LHFPL3: variants seen among roughly 807,000 people sequenced by gnomAD.
LHFPL3 encodes LHFPL tetraspan subfamily member 3 protein.
In LHFPL3, 5 loss-of-function variants were observed where a neutral mutation model predicts 19.3. The observed-to-expected ratio is 0.26, with a 90% CI of 0.14 to 0.54. LHFPL3 has a LOEUF of 0.54. Among genes scored for constraint, LHFPL3 ranks in the 20% least tolerant of loss-of-function variants. The pLI, the probability that LHFPL3 is intolerant of heterozygous loss-of-function variation, is 0.94. For missense variants in LHFPL3, 249 were observed against 307.4 expected (o/e 0.81, Z 1.42); for synonymous variants, 133 against 126.2 (o/e 1.05, Z -0.36).
At chr7:104,419,012 G>C (rs1791677437) in intron 1 of LHFPL3, among the ~76,000 whole-genome samples, 1 of 152,328 alleles carries the variant, frequency 6.6e-6, no homozygotes, top group African/African-American at 2.4e-5. Context: ...ATTTACCTAA[G>C]ATTACACAGC....
At chr7:104,651,787 T>G (rs185351600) in intron 1 of LHFPL3, among the ~76,000 whole-genome samples, 203 of 152,334 alleles carry the variant, frequency 1.3e-3, no homozygotes, top group Non-Finnish European at 2.3e-3. Context: ...TGGAGTCAGC[T>G]TCTGCCTGTC....
intron 1 of LHFPL3, among the ~76,000 whole-genome samples, chr7:104,616,474 T>C (rs1161035974): frequency 1.3e-5 from 2 of 152,148 alleles, no homozygotes; most frequent in South Asian, 2.1e-4. Context: ...TTACACCTTA[T>C]ACAAAAATTA....
chr7:104,569,765 T>C (rs564693569), intron 1 of LHFPL3, among the ~76,000 whole-genome samples: 14 of 152,264 alleles, frequency 9.2e-5, no homozygotes, highest in African/African-American at 3.4e-4. Flanking sequence ...TTCCCTGTTG[T>C]ATAGAACACA....
intron 1 of LHFPL3, among the ~76,000 whole-genome samples, chr7:104,488,072 T>C (rs1426088014): frequency 6.6e-6 from 1 of 152,194 alleles, no homozygotes; most frequent in South Asian, 2.1e-4. Context: ...ACCCTTTCTA[T>C]TGCAAACTCT....
At chr7:104,604,203 C>T (rs1791044426) in intron 1 of LHFPL3, among the ~76,000 whole-genome samples, 1 of 152,222 alleles carries the variant, frequency 6.6e-6, no homozygotes, top group African/African-American at 2.4e-5. Flanking sequence ...GCTGACAAGT[C>T]ACTACTTGCA....
At chr7:104,845,211 C>G (rs1791290286) in intron 2 of LHFPL3, among the ~76,000 whole-genome samples, 1 of 152,218 alleles carries the variant, frequency 6.6e-6, no homozygotes, top group African/African-American at 2.4e-5. Flanking sequence ...GGCAGTCTGG[C>G]TCTCAGGACT....
At chr7:104,360,310 C>A (rs1004245013) in intron 1 of LHFPL3, among the ~76,000 whole-genome samples, 1 of 152,196 alleles carries the variant, frequency 6.6e-6, no homozygotes, top group African/African-American at 2.4e-5. Flanking sequence ...CACAGTTAAC[C>A]TCCCCTGTGC....
intron 1 of LHFPL3, among the ~76,000 whole-genome samples, chr7:104,578,826 TG>T: frequency 6.6e-6 from 1 of 152,330 alleles, no homozygotes; most frequent in South Asian, 2.1e-4. Flanking sequence ...CAGATTCAAC[TG>T]AGATACAACT....
intron 1 of LHFPL3, among the ~76,000 whole-genome samples, chr7:104,689,913 G>C (rs1792877320): frequency 6.6e-6 from 1 of 152,206 alleles, no homozygotes; most frequent in African/African-American, 2.4e-5. Flanking sequence ...ATACTTAGCA[G>C]CTGGCAGAAT....
At chr7:104,665,918 C>T (rs187766199) in intron 1 of LHFPL3, among the ~76,000 whole-genome samples, 4 of 152,238 alleles carry the variant, frequency 2.6e-5, no homozygotes, top group East Asian at 1.9e-4. Context: ...TCTCTTACTA[C>T]GCAGTGTTCT....
chr7:104,438,342 T>C (rs1187465654), intron 1 of LHFPL3, among the ~76,000 whole-genome samples: 1 of 152,232 alleles, frequency 6.6e-6, no homozygotes, highest in Non-Finnish European at 1.5e-5. Context: ...AAGATTCTAA[T>C]TTTAAAAGTT....
At chr7:104,621,990 ATAAT>A (rs1791453858) in intron 1 of LHFPL3, among the ~76,000 whole-genome samples, 1 of 152,368 alleles carries the variant, frequency 6.6e-6, no homozygotes, top group East Asian at 1.9e-4. Context: ...ACATGTGTTT[ATAAT>A]TAATTAAATA....
intron 1 of LHFPL3, among the ~76,000 whole-genome samples, chr7:104,692,797 T>TTG (rs1562966910): frequency 1.3e-5 from 2 of 152,054 alleles, no homozygotes; most frequent in Non-Finnish European, 2.9e-5. Context: ...GAGAAGGAAA[T>TTG]TGCAGAAGGA....
At chr7:104,430,309 C>G (rs1791934511) in intron 1 of LHFPL3, among the ~76,000 whole-genome samples, 1 of 141,694 alleles carries the variant, frequency 7.1e-6, no homozygotes, top group East Asian at 2.1e-4. Flanking sequence ...CTTCTAAAGC[C>G]TGTTTGTAGC....
Position 104,823,530 on chromosome 7 carries a change from T to C in LHFPL3, c.683-82657T>C, listed in dbSNP as rs562501006. On this transcript the variant is annotated intron_variant, in intron 2 of 2. Transcript: ENST00000424859. ...GCTTAATTTCCTTTTCTATGACGTA[T>C]TTCCTCTCAGAATTTTTATATGAAA... Among the ~76,000 whole-genome samples the C allele has an allele frequency of 9.2e-5, 14 of 152,344 alleles. No individual in the cohort carries two copies. In the East Asian group the frequency reaches 2.5e-3, roughly 27 times the overall value.
At position 104,710,420 on chromosome 7, in the gene LHFPL3, T is replaced by C. The variant is rs549790975; in HGVS notation, c.446-26255T>C. On this transcript the variant is annotated intron_variant, in intron 1 of 2. Transcript: ENST00000424859. ...TGTTTCAGACTTTTGTTTCAGATCATGTATATCAGTCTCACCAATTCTTAG... is the reference window on the plus strand; with the variant it reads ...TGTTTCAGACTTTTGTTTCAGATCACGTATATCAGTCTCACCAATTCTTAG... 1.3e-3 allele frequency among the ~76,000 whole-genome samples: 197 copies of C among 152,342 alleles called. 1 individual carries two copies. The Middle Eastern group carries it at 0.02, about 16-fold the overall frequency.
At chr7:104,513,349 C>T (rs974484012) in intron 1 of LHFPL3, among the ~76,000 whole-genome samples, 20 of 152,076 alleles carry the variant, frequency 1.3e-4, no homozygotes, top group Non-Finnish European at 1.9e-4. Flanking sequence ...GGTACATGTT[C>T]CAGTGCTGGG....
intron 1 of LHFPL3, among the ~76,000 whole-genome samples, chr7:104,677,543 T>C (rs1445302610): frequency 3.9e-5 from 6 of 152,326 alleles, no homozygotes; most frequent in South Asian, 4.1e-4. Context: ...CTGTTCCAAA[T>C]TTTCTACCAC....
chr7:104,486,347 A>G (rs374431210), intron 1 of LHFPL3, among the ~76,000 whole-genome samples: 2 of 152,122 alleles, frequency 1.3e-5, no homozygotes, highest in African/African-American at 4.8e-5. Flanking sequence ...GCTATAGTCT[A>G]TTTTGGTTGC....
Sources: allele counts gnomAD v4.1 joint callset (sites outside exome capture counted in the v4.1 genomes callset), GRCh38; gene constraint gnomAD v4.1.1; transcripts MANE v1.5; gene names NCBI Gene and HGNC (gene_info 2026-07-23, HGNC 2026-07-21).